The following EPB41L5 variants were observed in gnomAD, a reference collection of about 807,000 sequenced individuals.
The protein encoded by EPB41L5 is erythrocyte membrane protein band 4.1 like 5, also known as band 4.1-like protein 5.
A neutral mutation model predicts 106.6 loss-of-function variants in EPB41L5; 55 were observed. The observed-to-expected ratio is 0.52, with a 90% CI of 0.42 to 0.65. EPB41L5 has a LOEUF of 0.65. Ranked by LOEUF, EPB41L5 falls within the 30% of genes least tolerant of loss-of-function variation. The probability of loss-of-function intolerance (pLI) is 0.00; values close to 1 mark genes in which losing one functional copy is unlikely to be tolerated. For synonymous variants in EPB41L5, 297 were observed against 306.7 expected, an observed-to-expected ratio of 0.97 and a Z score of 0.33; for missense variants, 871 against 882.1, an observed-to-expected ratio of 0.99 and a Z score of 0.16.
intron 4 of EPB41L5, 74 bp from the exon 5 acceptor site, chr2:120,074,026 G>T: frequency 8.7e-7 from 1 of 1,146,484 alleles, no homozygotes; most frequent in South Asian, 1.5e-5. Flanking sequence ...GTAGATTTTT[G>T]ACCAGTTTTC....
chr2:120,145,403 A>G (rs1029683769), intron 19 of EPB41L5, among the ~76,000 whole-genome samples: 1 of 152,236 alleles, frequency 6.6e-6, no homozygotes, highest in African/African-American at 2.4e-5. Context: ...TGAATCTCAA[A>G]GACATCTCCA....
intron 3 of EPB41L5, among the ~76,000 whole-genome samples, chr2:120,061,031 G>GTTTTTTTTTTTTTTTTTTTTTT (rs375754153): frequency 2.9e-5 from 2 of 69,100 alleles, no homozygotes; most frequent in Non-Finnish European, 5.1e-5. Flanking sequence ...GTTCAGGGAA[G>GTTTTTTTTTTTTTTTTTTTTTT]TTTTTTTTTT....
At position 120,019,232 on chromosome 2, in the gene EPB41L5, C is replaced by G. The variant is rs1483907431; in HGVS notation, c.148C>G (p.Leu50Val). 6.2e-7 allele frequency: 1 copy of G among 1,613,698 alleles called. No individual in the cohort carries two copies. Among genetic ancestry groups the G allele is most frequent in the Non-Finnish European group, 8.5e-7 (1 of 1,179,942 alleles). The part of the protein sequence containing the change: ...KSIITCRVSL[L>V]DGTDVSVDLP... Reference sequence around the variant, plus strand: ...CATCATCACGTGTCGGGTGTCCCTTCTGGATGGTACTGATGTTAGTGTGGA... The same window carrying G: ...CATCATCACGTGTCGGGTGTCCCTTGTGGATGGTACTGATGTTAGTGTGGA... Residue 50 changes from leucine to valine, a missense_variant, in exon 2 of 25, where the codon CTG (leucine) becomes GTG (valine). Transcript: ENST00000263713.
At chr2:120,033,299 C>T (rs1678836047) in intron 2 of EPB41L5, among the ~76,000 whole-genome samples, 1 of 152,128 alleles carries the variant, frequency 6.6e-6, no homozygotes, top group Admixed American at 6.6e-5. Context: ...ATAGTTTTTT[C>T]TCAGGAAGGC....
intron 1 of EPB41L5, among the ~76,000 whole-genome samples, chr2:120,016,608 T>G (rs570018410): frequency 6.6e-6 from 1 of 152,272 alleles, no homozygotes; most frequent in East Asian, 1.9e-4. Flanking sequence ...AAGGTGTTCG[T>G]TTTTATGAAC....
chr2:120,081,327 G>A (rs184795227), intron 10 of EPB41L5, among the ~76,000 whole-genome samples: 2,184 of 152,202 alleles, frequency 0.014, 30 homozygotes, highest in Non-Finnish European at 0.025. Context: ...TTCTACATAC[G>A]GCTAGCCAGT....
intron 3 of EPB41L5, among the ~76,000 whole-genome samples, chr2:120,067,420 C>T (rs1386082045): frequency 3.3e-5 from 5 of 152,134 alleles, no homozygotes; most frequent in Non-Finnish European, 7.4e-5. Flanking sequence ...CTTTAGAGTG[C>T]TTGGAATTGA....
chr2:120,151,307 AATAAT>A (rs1686663107), intron 20 of EPB41L5, among the ~76,000 whole-genome samples: 6 of 151,648 alleles, frequency 4.0e-5, no homozygotes, highest in East Asian at 3.9e-4. Flanking sequence ...CTCAAAAAAT[AATAAT>A]AATAATAATA....
chr2:120,091,599 G>T lies in EPB41L5; in HGVS notation c.1088G>T (p.Arg363Ile). 6.2e-7 allele frequency: 1 copy of T among 1,613,840 alleles called. No individual in the cohort carries two copies. The highest frequency in any genetic ancestry group is 8.5e-7 in the Non-Finnish European group (1 of 1,179,856). ...ACCACAAAAACCAATAAAGCAAGAA[G>T]ATCAACATCCTTTGAAAGAAGGCCC... ...YQTTKTNKARRSTSFERRPSK... is the reference protein window; with the variant it reads ...YQTTKTNKARISTSFERRPSK... Residue 363 changes from arginine to isoleucine, a missense_variant, in exon 13 of 25, where the codon AGA becomes ATA. By Grantham distance (97) the Arg-to-Ile change is moderately conservative. Coordinates refer to ENST00000263713, the MANE Select transcript of EPB41L5 (RefSeq NM_020909.4).
chr2:120,169,040 G>GCTCT (rs1687545436), intron 24 of EPB41L5, among the ~76,000 whole-genome samples: 1 of 152,068 alleles, frequency 6.6e-6, no homozygotes, highest in Non-Finnish European at 1.5e-5. Context: ...GAGCTCTTAA[G>GCTCT]GACTTTCACA....
At chr2:120,106,673 G>A (rs2105415601) in intron 16 of EPB41L5, 1 of 985,134 alleles carries the variant, frequency 1.0e-6, no homozygotes, top group Non-Finnish European at 1.2e-6. Flanking sequence ...CTTGAATTAG[G>A]TTGGTTACAT....
chr2:120,067,397 C>T (rs545811323), intron 3 of EPB41L5, among the ~76,000 whole-genome samples: 1 of 152,310 alleles, frequency 6.6e-6, no homozygotes, highest in African/African-American at 2.4e-5. Context: ...GCTCTGTGAA[C>T]TAGTTAGCCT....
chr2:120,045,939 G>A (rs1469951962), intron 3 of EPB41L5, among the ~76,000 whole-genome samples: 1 of 151,998 alleles, frequency 6.6e-6, no homozygotes, highest in African/African-American at 2.4e-5. Flanking sequence ...ATAGTTTGCT[G>A]AGAATGATGG....
At chr2:120,055,577 C>G (rs540528360) in intron 3 of EPB41L5, among the ~76,000 whole-genome samples, 1 of 145,484 alleles carries the variant, frequency 6.9e-6, no homozygotes, top group African/African-American at 2.6e-5. Context: ...GAACCTCTGC[C>G]TCCCGGGTTC....
At chr2:120,170,294 T>C (rs1024539077) in intron 24 of EPB41L5, among the ~76,000 whole-genome samples, 4 of 152,268 alleles carry the variant, frequency 2.6e-5, no homozygotes, top group South Asian at 4.1e-4. Context: ...TACACACTTA[T>C]AATCTCATTT....
rs116506914 is a variant in EPB41L5 at position 120,160,962 on chromosome 2, T to C, written c.1875T>C (p.Gly625=). ...TLMLITPADS[G]SVLKEATDEL... ...TGCTTATCACACCTGCCGACAGTGG[T>C]TCTGTTCTAAAGGTAAGAATACTTT... Residue 625 remains glycine, a synonymous_variant, in exon 21 of 25, where the codon GGT becomes GGC. Coordinates refer to ENST00000263713, the MANE Select transcript of EPB41L5 (RefSeq NM_020909.4). 1.2e-5 allele frequency: 20 copies of C among 1,613,522 alleles called. No homozygotes were observed. Among genetic ancestry groups the C allele is most frequent in the Non-Finnish European group, 1.7e-5 (20 of 1,179,440 alleles).
intron 3 of EPB41L5, among the ~76,000 whole-genome samples, chr2:120,065,680 C>G (rs1681399732): frequency 6.6e-6 from 1 of 151,874 alleles, no homozygotes; most frequent in Admixed American, 6.6e-5. Flanking sequence ...CCACGCCCAG[C>G]TAATTTTTGT....
intron 10 of EPB41L5, among the ~76,000 whole-genome samples, chr2:120,084,452 C>T (rs1434019491): frequency 2.6e-5 from 4 of 152,080 alleles, no homozygotes; most frequent in Admixed American, 6.5e-5. Flanking sequence ...GAGTATTGGC[C>T]CCTAGTCTCT....
At chr2:120,064,063 A>G (rs1424255740) in intron 3 of EPB41L5, among the ~76,000 whole-genome samples, 1 of 152,248 alleles carries the variant, frequency 6.6e-6, no homozygotes, top group Non-Finnish European at 1.5e-5. Flanking sequence ...CTTATAATAC[A>G]GACTGTTAAC....
Sources: gnomAD v4.1 joint callset for allele counts (sites outside exome capture counted in the v4.1 genomes callset) on GRCh38, gnomAD v4.1.1 for gene constraint, MANE v1.5 for transcripts, NCBI Gene and HGNC (gene_info 2026-07-23, HGNC 2026-07-21) for gene names.